Variants in GAS5 observed in about 807,000 individuals in gnomAD.
GAS5 encodes growth arrest specific 5, also known as growth arrest specific 5 (non-protein coding).
chr1:173,866,829 A>G, intron 1 of GAS5: 1 of 765,464 alleles, frequency 1.3e-6, no homozygotes, highest in South Asian at 1.3e-5. Flanking sequence ...CAAAACAGTG[A>G]GAATGAACCT....
At chr1:173,867,546 G>GT (rs1460019505), upstream of GAS5, 2 of 455,112 alleles carry the variant, frequency 4.4e-6, no homozygotes, top group African/African-American at 4.0e-5. Context: ...GGAAATATTG[G>GT]TGACACTGCG....
upstream of GAS5, chr1:173,868,758 G>T (rs1655242416): frequency 1.3e-5 from 2 of 152,768 alleles, no homozygotes; most frequent in African/African-American, 2.4e-5. Flanking sequence ...TCTCACCTGA[G>T]CGCTGGCTCC....
intron 3 of GAS5, chr1:173,866,340 TCTG>T (rs780103472): frequency 1.9e-5 from 10 of 522,982 alleles, no homozygotes; most frequent in East Asian, 1.1e-4. Flanking sequence ...CATGATTAAA[TCTG>T]CTGAACTATG....
chr1:173,866,436 A>C (rs140798521), intron 3 of GAS5: 2 of 601,856 alleles, frequency 3.3e-6, no homozygotes, highest in African/African-American at 3.6e-5. Context: ...ATTTGAAAAG[A>C]GGGGAGAGAA....
At chr1:173,865,708 C>G (rs1038719060) in intron 5 of GAS5, 1 of 519,214 alleles carries the variant, frequency 1.9e-6, no homozygotes, top group Non-Finnish European at 3.8e-6. Context: ...CAAACATGCT[C>G]AAGGAAAACA....
Position 173,866,088 on chromosome 1 carries a change from G to A in GAS5, n.161+89C>T, listed in dbSNP as rs16846493. 5.6e-3 allele frequency: 2,887 copies of A among 518,538 alleles called. 55 individuals are homozygous for A. The highest frequency in any genetic ancestry group is 0.04 in the African/African-American group (2,098 of 52,020). 32.1% of individuals were successfully genotyped at this position (518,538 alleles called of 1,614,324 possible). A position where few individuals can be genotyped will look rare whatever the true frequency, so the allele number is the denominator to read the frequency against. ...GACAAGAATCCGCCATTTATTTAAT[G>A]CATTCAGCACTAGGAGGTAACTAAA... On this transcript the variant is annotated intron_variant and non_coding_transcript_variant, in intron 4 of 7. Coordinates refer to ENST00000651080, the Ensembl canonical transcript of GAS5.
At chr1:173,867,907 G>C, upstream of GAS5, 1 of 383,680 alleles carries the variant, frequency 2.6e-6, no homozygotes, top group Non-Finnish European at 5.3e-6. Context: ...GACCTTAGCA[G>C]ACAAAGGCTG....
In GAS5 at chr1:173,864,064, TGAGG is replaced by T. The variant is rs1207656778; in HGVS notation, n.324+189_324+192del. On this transcript the variant is annotated intron_variant and non_coding_transcript_variant, in intron 7 of 7. Transcript: ENST00000651080. Reference sequence around the variant, plus strand: ...AAAGGCCACTGCACTCTAGCTTGGGTGAGGCAAGACCCTGTCTCAAAAAATAAGA... The same window carrying T: ...AAAGGCCACTGCACTCTAGCTTGGGTCAAGACCCTGTCTCAAAAAATAAGA... The T allele has an allele frequency of 9.0e-6, 4 of 443,554 alleles. No homozygotes were observed. In the East Asian group the frequency reaches 2.5e-4, roughly 28 times the overall value. 27.5% of individuals were successfully genotyped at this position (443,554 alleles called of 1,614,324 possible).
chr1:173,865,218 A>G (rs9442660), intron 6 of GAS5: 15,534 of 336,146 alleles, frequency 0.046, 2,229 homozygotes, highest in African/African-American at 0.3. Flanking sequence ...AAATACTTGG[A>G]ACTGCTATAC....
chr1:173,867,281 G>A (rs2102693702), upstream of GAS5: 2 of 488,582 alleles, frequency 4.1e-6, no homozygotes, highest in South Asian at 5.6e-5. Context: ...GTATGTTGGG[G>A]GACCACGGCT....
intron 6 of GAS5, chr1:173,864,324 A>G: frequency 1.9e-6 from 1 of 516,582 alleles, no homozygotes; most frequent in Non-Finnish European, 3.9e-6. Flanking sequence ...AAGCCAACAT[A>G]TTAATCAGGG....
At chr1:173,865,755 A>G in intron 5 of GAS5, 1 of 519,040 alleles carries the variant, frequency 1.9e-6, no homozygotes, top group Non-Finnish European at 3.8e-6. Context: ...AGGAAAATAC[A>G]GTCAGTATTC....
At chr1:173,866,346 G>C (rs375593182) in intron 3 of GAS5, 1 of 524,916 alleles carries the variant, frequency 1.9e-6, no homozygotes, top group East Asian at 5.4e-5. Context: ...TAAATCTGCT[G>C]AACTATGCAA....
In GAS5 at chr1:173,865,633, T is replaced by C. The variant is rs756481773; in HGVS notation, n.200-86A>G. On this transcript the variant is annotated intron_variant and non_coding_transcript_variant, in intron 5 of 7. Coordinates refer to ENST00000651080, the Ensembl canonical transcript of GAS5. ...TGTCTGTCACAGGGTTCTTCAGTGTTACCTTTGTCTACATGCTCATTTCAG... is the reference window on the plus strand; with the variant it reads ...TGTCTGTCACAGGGTTCTTCAGTGTCACCTTTGTCTACATGCTCATTTCAG... 7.7e-6 allele frequency: 4 copies of C among 519,158 alleles called. No homozygotes were observed. The Admixed American group carries it at 7.8e-5, about 10-fold the overall frequency. The allele number at this position is 519,158 out of a possible 1,614,324, so 32.2% of individuals were successfully genotyped here. A position where few individuals can be genotyped will look rare whatever the true frequency, so the allele number is the denominator to read the frequency against.
At position 173,865,419 on chromosome 1, in the gene GAS5, C is replaced by T. The variant is rs752759034; in HGVS notation, n.276+52G>A. The T allele has an allele frequency of 7.7e-6, 4 of 516,192 alleles. No individual in the cohort carries two copies. The East Asian group carries it at 2.2e-4, about 28-fold the overall frequency. The allele number at this position is 516,192 out of a possible 1,614,324, so 32.0% of individuals were successfully genotyped here. A position where few individuals can be genotyped will look rare whatever the true frequency, so the allele number is the denominator to read the frequency against. ...TTCCCATCTGCTTTAATTTTAAAAT[C>T]ATCACTAACAGTAGCTCAATCAATT... is the stretch of plus-strand genomic sequence containing the variant. On this transcript the variant is annotated intron_variant and non_coding_transcript_variant, in intron 6 of 7. Coordinates refer to ENST00000651080, the Ensembl canonical transcript of GAS5.
At chr1:173,867,204 G>C (rs987724224), upstream of GAS5, 10 of 545,780 alleles carry the variant, frequency 1.8e-5, no homozygotes, top group South Asian at 8.0e-5. Context: ...TTACAAAGAA[G>C]CACTGCACCC....
exon 1 of GAS5, chr1:173,867,005 C>T (rs1169665632): frequency 2.2e-5 from 17 of 764,950 alleles, no homozygotes; most frequent in Admixed American, 2.0e-4. Flanking sequence ...CCATAAGGTG[C>T]TATCCAGAGC....
At chr1:173,866,406 AAT>A (rs773185619) in intron 3 of GAS5, 14 of 561,242 alleles carry the variant, frequency 2.5e-5, no homozygotes, top group East Asian at 4.4e-5. Flanking sequence ...ACTTAGTATC[AAT>A]ATGAGAGCAA....
intron 5 of GAS5, chr1:173,865,567 T>C: frequency 1.9e-6 from 1 of 518,276 alleles, no homozygotes; most frequent in Non-Finnish European, 3.9e-6. Flanking sequence ...AAATGAGGAC[T>C]TCCATTAAAA....
Sources: allele counts gnomAD v4.1 joint callset, GRCh38; gene constraint gnomAD v4.1.1; transcripts MANE v1.5; gene names NCBI Gene and HGNC (gene_info 2026-07-23, HGNC 2026-07-21).